HECW2: variants seen among roughly 807,000 people sequenced by gnomAD.
HECW2 encodes HECT, C2 and WW domain containing E3 ubiquitin protein ligase 2, also known as E3 ubiquitin-protein ligase HECW2.
A neutral mutation model predicts 175.2 loss-of-function variants in HECW2; 61 were observed. That is an observed-to-expected ratio of 0.35 (90% CI 0.28 to 0.43). HECW2 has a LOEUF of 0.43. Among genes scored for constraint, HECW2 ranks in the 20% least tolerant of loss-of-function variants. The pLI is 1.00. For synonymous variants in HECW2, 671 were observed against 731.0 expected, an observed-to-expected ratio of 0.92 and a Z score of 1.32; for missense variants, 1,524 against 2,000.5, an observed-to-expected ratio of 0.76 and a Z score of 4.54.
intron 1 of HECW2, among the ~76,000 whole-genome samples, chr2:196,579,370 G>A (rs1690683458): frequency 6.6e-6 from 1 of 152,038 alleles, no homozygotes; most frequent in Non-Finnish European, 1.5e-5. Context: ...TAGAAGACAT[G>A]TAGAAAACAA....
chr2:196,253,620 TA>T (rs1688940527), intron 19 of HECW2, among the ~76,000 whole-genome samples: 1 of 152,224 alleles, frequency 6.6e-6, no homozygotes, highest in South Asian at 2.1e-4. Context: ...TAGAACTTTC[TA>T]AAGTCAAAAA....
chr2:196,548,721 C>G (rs1004943314), intron 1 of HECW2, among the ~76,000 whole-genome samples: 1 of 152,152 alleles, frequency 6.6e-6, no homozygotes, highest in Non-Finnish European at 1.5e-5. Flanking sequence ...CGTATTTTCC[C>G]ACAGTTCTGG....
Position 196,433,467 on chromosome 2 carries a change from G to A in HECW2, c.-35-9C>T, listed in dbSNP as rs1695779065. Reference sequence around the variant, plus strand: ...ATTGGCTGCCTACAAAGCTGCAAGAGACAGATAAACATAAAACATTAGTGC... The same window carrying A: ...ATTGGCTGCCTACAAAGCTGCAAGAAACAGATAAACATAAAACATTAGTGC... On this transcript the variant is annotated splice_polypyrimidine_tract_variant and intron_variant, in intron 1 of 28. Coordinates refer to ENST00000644978, the MANE Select transcript of HECW2 (RefSeq NM_001348768.2). The A allele has an allele frequency of 1.3e-6, 2 of 1,578,664 alleles. No homozygotes were observed. Among genetic ancestry groups the A allele is most frequent in the Admixed American group, 3.6e-5 (2 of 55,642 alleles).
At chr2:196,481,576 CA>C (rs1348508783) in intron 1 of HECW2, among the ~76,000 whole-genome samples, 1 of 152,162 alleles carries the variant, frequency 6.6e-6, no homozygotes, top group Non-Finnish European at 1.5e-5. Context: ...CTTGCAAGCT[CA>C]AAAACATATT....
At chr2:196,359,465 A>T (rs1693507444) in intron 2 of HECW2, among the ~76,000 whole-genome samples, 2 of 151,968 alleles carry the variant, frequency 1.3e-5, no homozygotes, top group African/African-American at 4.8e-5. Context: ...CAAACAAACA[A>T]ACAAACAAAC....
chr2:196,586,261 A>C (rs964297905), intron 1 of HECW2, among the ~76,000 whole-genome samples: 17 of 152,172 alleles, frequency 1.1e-4, no homozygotes, highest in African/African-American at 4.1e-4. Context: ...TTTGTTAATA[A>C]TTCTCCCTTC....
rs565641226 is a variant in HECW2, at chr2:196,317,238, G to A, written c.2434+36C>T. The A allele has an allele frequency of 2.7e-6, 4 of 1,475,998 alleles. No individual in the cohort carries two copies. In the African/African-American group the frequency reaches 4.1e-5, roughly 15 times the overall value. 91.4% of individuals were successfully genotyped at this position (1,475,998 alleles called of 1,614,324 possible). ...GTCTGCCTGTCACCTTTCACCGTTT[G>A]ATTAAGGTGGGCCCTTTTAACTAAC... On this transcript the variant is annotated intron_variant, in intron 10 of 28. Coordinates refer to ENST00000644978, the MANE Select transcript of HECW2 (RefSeq NM_001348768.2).
At chr2:196,537,831 G>A (rs1429182075) in intron 1 of HECW2, among the ~76,000 whole-genome samples, 1 of 152,152 alleles carries the variant, frequency 6.6e-6, no homozygotes, top group African/African-American at 2.4e-5. Flanking sequence ...GCAAAATATA[G>A]CAATTGAGAA....
intron 19 of HECW2, among the ~76,000 whole-genome samples, chr2:196,244,495 T>C (rs1462964301): frequency 1.3e-5 from 2 of 152,188 alleles, no homozygotes; most frequent in Non-Finnish European, 1.5e-5. Context: ...CTGCAGCTAC[T>C]CTGTTAGACG....
At chr2:196,513,248 T>C (rs1688019317) in intron 1 of HECW2, among the ~76,000 whole-genome samples, 1 of 152,158 alleles carries the variant, frequency 6.6e-6, no homozygotes. Context: ...CAAGAATCCA[T>C]ATAAAAAGTA....
intron 15 of HECW2, among the ~76,000 whole-genome samples, chr2:196,274,333 C>T (rs883289): frequency 0.07 from 10,709 of 152,170 alleles, 770 homozygotes; most frequent in African/African-American, 0.18. Flanking sequence ...GAGGCATCCA[C>T]ATTCTTGAGA....
chr2:196,429,244 G>T (rs1183103346), intron 2 of HECW2, among the ~76,000 whole-genome samples: 7 of 151,656 alleles, frequency 4.6e-5, no homozygotes, highest in Non-Finnish European at 7.4e-5. Flanking sequence ...TGAGCCTGGG[G>T]GGGGCCTACC....
chr2:196,445,468 T>C (rs570497845), intron 1 of HECW2, among the ~76,000 whole-genome samples: 11 of 152,318 alleles, frequency 7.2e-5, no homozygotes, highest in Admixed American at 1.3e-4. Flanking sequence ...AGGCTTCTTA[T>C]ATAGGTAAAT....
chr2:196,385,489 A>G (rs770617161), intron 2 of HECW2, among the ~76,000 whole-genome samples: 2 of 152,178 alleles, frequency 1.3e-5, no homozygotes, highest in African/African-American at 4.8e-5. Context: ...ATTAAGCCCT[A>G]TGCCCTGATA....
intron 2 of HECW2, among the ~76,000 whole-genome samples, chr2:196,411,968 C>G (rs911834910): frequency 1.3e-5 from 2 of 152,032 alleles, no homozygotes; most frequent in Admixed American, 6.5e-5. Flanking sequence ...CAAAATTGCA[C>G]CAGTGCACTG....
intron 19 of HECW2, among the ~76,000 whole-genome samples, chr2:196,253,009 T>C (rs1688915270): frequency 6.6e-6 from 1 of 152,248 alleles, no homozygotes. Flanking sequence ...ATTATTCATC[T>C]CTGTAGTCCT....
chr2:196,576,353 C>T (rs1289664363), intron 1 of HECW2, among the ~76,000 whole-genome samples: 1 of 152,030 alleles, frequency 6.6e-6, no homozygotes, highest in Non-Finnish European at 1.5e-5. Context: ...CATGACTGTA[C>T]ATGTATGTAC....
At chr2:196,255,166 T>TTTG (rs1166167741) in intron 18 of HECW2, among the ~76,000 whole-genome samples, 2 of 147,112 alleles carry the variant, frequency 1.4e-5, no homozygotes, top group African/African-American at 2.5e-5. Context: ...TTTTTTTTTT[T>TTTG]TTTTAGTAGA....
chr2:196,306,869 C>T (rs1191844438), intron 12 of HECW2, among the ~76,000 whole-genome samples: 2 of 152,064 alleles, frequency 1.3e-5, no homozygotes, highest in East Asian at 1.9e-4. Flanking sequence ...TTTAAATGAT[C>T]TGATTCTTTT....
Sources: gnomAD v4.1 joint callset for allele counts (sites outside exome capture counted in the v4.1 genomes callset) on GRCh38, gnomAD v4.1.1 for gene constraint, MANE v1.5 for transcripts, NCBI Gene and HGNC (gene_info 2026-07-23, HGNC 2026-07-21) for gene names.